Variants in LRIG1 observed in about 807,000 individuals in gnomAD.
LRIG1 encodes the protein leucine rich repeats and immunoglobulin like domains 1, also known as leucine-rich repeats and immunoglobulin-like domains protein 1.
In LRIG1, 48 loss-of-function variants were observed where a neutral mutation model predicts 99.2. That is an observed-to-expected ratio of 0.48 (90% CI 0.38 to 0.62). The LOEUF is 0.62. LRIG1 is among the 20% of genes least tolerant of loss of function. The pLI is 0.00. For missense variants in LRIG1, 1,646 were observed against 1,434.4 expected, an observed-to-expected ratio of 1.15 and a Z score of -2.38; for synonymous variants, 772 against 596.1, an observed-to-expected ratio of 1.29 and a Z score of -4.30.
chr3:66,379,469 C>G lies in LRIG1; in HGVS notation c.*794G>C, dbSNP rs1211277201. 1 of 152,134 alleles carries G rather than the reference C, an allele frequency of 6.6e-6. No individual in the cohort carries two copies. The highest frequency in any genetic ancestry group is 1.5e-5 in the Non-Finnish European group (1 of 68,038). 9.4% of individuals were successfully genotyped at this position (152,134 alleles called of 1,614,324 possible). ...AGTCTCAAATAGCAATCGAATGATA[C>G]TGAGAAGGCCACATTTGCTTTTATC... On this transcript the variant is annotated 3_prime_UTR_variant, in exon 19 of 19. Coordinates refer to ENST00000273261, the MANE Select transcript of LRIG1 (RefSeq NM_015541.3).
chr3:66,403,431 T>C (rs1283206935), intron 9 of LRIG1, among the ~76,000 whole-genome samples: 1 of 152,108 alleles, frequency 6.6e-6, no homozygotes, highest in Non-Finnish European at 1.5e-5. Flanking sequence ...AGCCCCAAGA[T>C]GCTGACTCAG....
chr3:66,437,490 C>CT (rs1205629942), intron 3 of LRIG1, among the ~76,000 whole-genome samples: 1 of 152,204 alleles, frequency 6.6e-6, no homozygotes, highest in East Asian at 1.9e-4. Context: ...GCAAGCAAGA[C>CT]TTATCCCCTG....
At chr3:66,464,156 T>A (rs1479921705) in intron 1 of LRIG1, among the ~76,000 whole-genome samples, 1 of 152,208 alleles carries the variant, frequency 6.6e-6, no homozygotes, top group East Asian at 1.9e-4. Flanking sequence ...TTGAGCAGAT[T>A]ATCATAAAAA....
chr3:66,400,486 G>A (rs1166215046), intron 9 of LRIG1, among the ~76,000 whole-genome samples: 1 of 152,178 alleles, frequency 6.6e-6, no homozygotes, highest in Non-Finnish European at 1.5e-5. Flanking sequence ...ATTGCTGGGA[G>A]CCAACTCCTG....
intron 2 of LRIG1, among the ~76,000 whole-genome samples, chr3:66,454,991 C>G (rs568759800): frequency 6.6e-6 from 1 of 152,234 alleles, no homozygotes; most frequent in African/African-American, 2.4e-5. Context: ...GTGGCCCAGG[C>G]TGGAGTACAT....
intron 3 of LRIG1, among the ~76,000 whole-genome samples, chr3:66,448,898 G>C (rs1485122250): frequency 6.6e-6 from 1 of 152,136 alleles, no homozygotes; most frequent in Non-Finnish European, 1.5e-5. Context: ...ACAGCCTCTG[G>C]GCCACAACTG....
chr3:66,432,603 G>C (rs1001753961), intron 3 of LRIG1, among the ~76,000 whole-genome samples: 1 of 152,142 alleles, frequency 6.6e-6, no homozygotes, highest in Non-Finnish European at 1.5e-5. Flanking sequence ...GCTAAGGCAC[G>C]GAAAGGTCAA....
intron 1 of LRIG1, among the ~76,000 whole-genome samples, chr3:66,475,228 C>T (rs760590267): frequency 1.3e-5 from 2 of 152,200 alleles, no homozygotes; most frequent in Non-Finnish European, 2.9e-5. Context: ...TCTGCCTAGC[C>T]TGTCCTAAAT....
intron 1 of LRIG1, among the ~76,000 whole-genome samples, chr3:66,493,897 AG>A (rs1399171280): frequency 6.6e-6 from 1 of 151,628 alleles, no homozygotes; most frequent in Non-Finnish European, 1.5e-5. Flanking sequence ...GAGGGAAAGA[AG>A]GAAAAAAAGA....
chr3:66,481,370 C>T (rs1048695571), intron 1 of LRIG1, among the ~76,000 whole-genome samples: 1 of 152,262 alleles, frequency 6.6e-6, no homozygotes, highest in Middle Eastern at 3.4e-3. Context: ...CCTGGTTGTT[C>T]ATTAATATAT....
chr3:66,480,473 A>T (rs1340722326), intron 1 of LRIG1, among the ~76,000 whole-genome samples: 2 of 144,976 alleles, frequency 1.4e-5, no homozygotes, highest in Admixed American at 6.9e-5. Context: ...AAAGCTATTT[A>T]AAAAAAAAAA....
At chr3:66,433,340 G>A (rs541716201) in intron 3 of LRIG1, among the ~76,000 whole-genome samples, 17 of 152,338 alleles carry the variant, frequency 1.1e-4, no homozygotes, top group African/African-American at 3.4e-4. Context: ...GACAGCCTGC[G>A]GCTATGAAGA....
At chr3:66,434,858 C>A (rs1703300258) in intron 3 of LRIG1, among the ~76,000 whole-genome samples, 1 of 151,550 alleles carries the variant, frequency 6.6e-6, no homozygotes. Context: ...TATGGCCATT[C>A]TGGAAGAGTC....
intron 12 of LRIG1, among the ~76,000 whole-genome samples, chr3:66,392,132 T>C (rs1487319700): frequency 2.0e-5 from 3 of 152,236 alleles, no homozygotes; most frequent in Admixed American, 1.3e-4. Flanking sequence ...GGACTACTGA[T>C]TGCTTTCACA....
At chr3:66,479,239 G>A (rs755028425) in intron 1 of LRIG1, among the ~76,000 whole-genome samples, 1 of 152,200 alleles carries the variant, frequency 6.6e-6, no homozygotes, top group Non-Finnish European at 1.5e-5. Context: ...CAGAGAAAAC[G>A]GTCAGGCTCT....
At chr3:66,455,532 C>T (rs1378605039) in intron 2 of LRIG1, among the ~76,000 whole-genome samples, 1 of 152,164 alleles carries the variant, frequency 6.6e-6, no homozygotes, top group African/African-American at 2.4e-5. Context: ...CACAGTAGTC[C>T]TCTGCTGGTA....
chr3:66,423,082 T>C (rs1702870025), intron 3 of LRIG1, among the ~76,000 whole-genome samples: 1 of 152,160 alleles, frequency 6.6e-6, no homozygotes, highest in Non-Finnish European at 1.5e-5. Flanking sequence ...GGAGTTACAA[T>C]TCAAGATGAG....
chr3:66,464,512 A>AG (rs916753379), intron 1 of LRIG1, among the ~76,000 whole-genome samples: 25 of 151,680 alleles, frequency 1.6e-4, no homozygotes, highest in African/African-American at 5.8e-4. Flanking sequence ...ACTTAAAAAA[A>AG]AAAAAAAAAC....
intron 1 of LRIG1, among the ~76,000 whole-genome samples, chr3:66,462,773 G>T (rs909451494): frequency 6.6e-6 from 1 of 152,146 alleles, no homozygotes; most frequent in Non-Finnish European, 1.5e-5. Context: ...AACTTGGAAA[G>T]AAATTCTAAG....
Sources: allele counts gnomAD v4.1 joint callset (sites outside exome capture counted in the v4.1 genomes callset), GRCh38; gene constraint gnomAD v4.1.1; transcripts MANE v1.5; gene names NCBI Gene and HGNC (gene_info 2026-07-23, HGNC 2026-07-21).